CTNNA2: variants seen among roughly 807,000 people sequenced by gnomAD.
The protein encoded by CTNNA2 is catenin alpha 2.
CTNNA2 carries 42 observed loss-of-function variants against 101.0 expected under a neutral mutation model. That is an observed-to-expected ratio of 0.42 (90% CI 0.32 to 0.54). The LOEUF is 0.54. Ranked by LOEUF, CTNNA2 falls within the 20% of genes least tolerant of loss-of-function variation. CTNNA2 has a pLI of 0.14. For synonymous variants in CTNNA2, 450 were observed against 456.4 expected, an observed-to-expected ratio of 0.99 and a Z score of 0.18; for missense variants, 871 against 1,223.1, an observed-to-expected ratio of 0.71 and a Z score of 4.29.
chr2:80,419,435 TG>T lies in CTNNA2; in HGVS notation c.1138-13del, dbSNP rs1559094046. On this transcript the variant is annotated splice_polypyrimidine_tract_variant and intron_variant, in intron 8 of 18. Transcript: ENST00000402739. ...TTAATTGTATGTCATTTTTTGTTTTTGTTTCAACTGTAGCTTCGGAAAGCAG... is the reference window on the plus strand; with the variant it reads ...TTAATTGTATGTCATTTTTTGTTTTTTTTCAACTGTAGCTTCGGAAAGCAG... 1 of 1,589,164 alleles carries T rather than the reference TG, an allele frequency of 6.3e-7. No homozygotes were observed.
At chr2:79,458,516 C>T (rs1308992575) in intron 4 of CTNNA2, among the ~76,000 whole-genome samples, 2 of 152,066 alleles carry the variant, frequency 1.3e-5, no homozygotes, top group Non-Finnish European at 2.9e-5. Flanking sequence ...CAAAATTCTT[C>T]CACTCACTTA....
In CTNNA2 at chr2:79,871,049, G is replaced by A. The variant is rs565724008; in HGVS notation, c.585+1114G>A. Among the ~76,000 whole-genome samples, 6 of 152,112 alleles carry A rather than the reference G, an allele frequency of 3.9e-5. No individual in the cohort carries two copies. In the South Asian group the frequency reaches 6.2e-4, roughly 16 times the overall value. On this transcript the variant is annotated intron_variant, in intron 5 of 18. Transcript: ENST00000402739. ...CCATCGAGTGGGTTTTTATTCTTTCGCCATAGAAAAAATATTTCCAAATGT... is the reference window on the plus strand; with the variant it reads ...CCATCGAGTGGGTTTTTATTCTTTCACCATAGAAAAAATATTTCCAAATGT...
intron 4 of CTNNA2, among the ~76,000 whole-genome samples, chr2:79,491,958 C>A (rs961987508): frequency 6.6e-6 from 1 of 152,132 alleles, no homozygotes; most frequent in African/African-American, 2.4e-5. Context: ...CCCTACAGTA[C>A]AGATGGATCA....
Position 80,357,566 on chromosome 2 carries a change from C to T in CTNNA2, c.1057-35645C>T, listed in dbSNP as rs1245018496. On this transcript the variant is annotated intron_variant, in intron 7 of 18. Coordinates refer to ENST00000402739, the MANE Select transcript of CTNNA2 (RefSeq NM_001282597.3). The stretch of plus-strand genomic sequence containing the variant: ...GAACTGGTTCTTCTTCCCTGCTCCC[C>T]GATTCCAAGTGGGACCAATGATGTG... Among the ~76,000 whole-genome samples, 4 of 152,122 alleles carry T rather than the reference C, an allele frequency of 2.6e-5. No homozygotes were observed. The South Asian group carries it at 8.3e-4, about 32-fold the overall frequency.
chr2:79,240,930 TC>T (rs1439730426), intron 2 of CTNNA2, among the ~76,000 whole-genome samples: 4 of 152,202 alleles, frequency 2.6e-5, no homozygotes, highest in South Asian at 2.1e-4. Flanking sequence ...GCCTCTGCTG[TC>T]CACCTCCTTC....
At chr2:80,591,759 ATTC>A (rs1455433427) in intron 15 of CTNNA2, among the ~76,000 whole-genome samples, 1 of 152,086 alleles carries the variant, frequency 6.6e-6, no homozygotes, top group Non-Finnish European at 1.5e-5. Flanking sequence ...TTGTTGTTTT[ATTC>A]TTATCACTAG....
intron 7 of CTNNA2, among the ~76,000 whole-genome samples, chr2:79,979,384 A>G (rs1056173389): frequency 6.6e-6 from 1 of 152,090 alleles, no homozygotes; most frequent in Non-Finnish European, 1.5e-5. Flanking sequence ...CCCTATCTCT[A>G]AAAAAGGAAA....
chr2:79,347,562 G>A (rs902301890), intron 3 of CTNNA2, among the ~76,000 whole-genome samples: 5 of 151,944 alleles, frequency 3.3e-5, no homozygotes, highest in Admixed American at 2.0e-4. Context: ...ATTTAATACC[G>A]AACCTGCGAA....
intron 7 of CTNNA2, among the ~76,000 whole-genome samples, chr2:80,012,056 G>A (rs1040417474): frequency 6.6e-6 from 1 of 152,118 alleles, no homozygotes; most frequent in African/African-American, 2.4e-5. Flanking sequence ...ACAGGCCTCT[G>A]CTGTTGTAAC....
intron 3 of CTNNA2, among the ~76,000 whole-genome samples, chr2:79,337,755 A>G (rs1300528197): frequency 1.3e-5 from 2 of 152,206 alleles, no homozygotes; most frequent in East Asian, 3.9e-4. Context: ...ATCAAAACAG[A>G]AAAGGCATTT....
chr2:79,281,328 C>G (rs1675376377), intron 2 of CTNNA2: 1 of 152,142 alleles, frequency 6.6e-6, no homozygotes, highest in East Asian at 1.9e-4. Flanking sequence ...AGATACTGGT[C>G]ACTCATTCCT....
At chr2:80,019,444 G>A (rs1231407224) in intron 7 of CTNNA2, among the ~76,000 whole-genome samples, 4 of 152,056 alleles carry the variant, frequency 2.6e-5, no homozygotes, top group Admixed American at 1.3e-4. Flanking sequence ...TTTCTCCTAC[G>A]TACTCAAGAA....
rs927530777 is a variant in CTNNA2 at position 80,028,353 on chromosome 2, C to T, written c.1056+118556C>T. 5 of 152,298 alleles carry T rather than the reference C, an allele frequency of 3.3e-5. No individual in the cohort carries two copies. In the East Asian group the frequency reaches 7.7e-4, roughly 24 times the overall value. 9.4% of individuals were successfully genotyped at this position (152,298 alleles called of 1,614,324 possible). ...TCCAGCTCCCTGATTCCTTGTGGCC[C>T]TCAAATATAAACCATGAGGATTTTT... On this transcript the variant is annotated intron_variant, in intron 7 of 18. Coordinates refer to ENST00000402739, the MANE Select transcript of CTNNA2 (RefSeq NM_001282597.3).
chr2:79,492,382 A>C (rs776281457), intron 4 of CTNNA2, among the ~76,000 whole-genome samples: 8 of 151,918 alleles, frequency 5.3e-5, no homozygotes, highest in Non-Finnish European at 1.2e-4. Flanking sequence ...ATATAATAAT[A>C]TGGTAGATTT....
intron 7 of CTNNA2, among the ~76,000 whole-genome samples, chr2:79,981,930 T>C (rs1691301669): frequency 6.6e-6 from 1 of 152,048 alleles, no homozygotes. Context: ...TGAGTTTCAG[T>C]TTCCTCATTA....
intron 7 of CTNNA2, chr2:80,162,544 G>C: frequency 2.5e-6 from 4 of 1,606,572 alleles, no homozygotes; most frequent in Non-Finnish European, 3.4e-6. Context: ...CTTCATAGAA[G>C]AAATCATCTC....
chr2:79,282,364 A>C (rs1027923686), intron 2 of CTNNA2, among the ~76,000 whole-genome samples: 1 of 152,004 alleles, frequency 6.6e-6, no homozygotes, highest in African/African-American at 2.4e-5. Flanking sequence ...CCACTAACTC[A>C]TCATCTAGCA....
intron 2 of CTNNA2, among the ~76,000 whole-genome samples, chr2:79,676,307 C>T (rs1263744820): frequency 6.6e-6 from 1 of 152,180 alleles, no homozygotes; most frequent in African/African-American, 2.4e-5. Flanking sequence ...GTGCCAACAG[C>T]ATTAGACCTA....
chr2:79,984,073 A>G (rs528566202), intron 7 of CTNNA2, among the ~76,000 whole-genome samples: 139 of 152,308 alleles, frequency 9.1e-4, no homozygotes, highest in Non-Finnish European at 1.6e-3. Flanking sequence ...CCTTTGTCCT[A>G]TTATGAAGAC....
Sources: gnomAD v4.1 joint callset for allele counts (sites outside exome capture counted in the v4.1 genomes callset) on GRCh38, gnomAD v4.1.1 for gene constraint, MANE v1.5 for transcripts, NCBI Gene and HGNC (gene_info 2026-07-23, HGNC 2026-07-21) for gene names.